The following TTI1 variants were observed in gnomAD, a reference collection of about 807,000 sequenced individuals.
The protein encoded by TTI1 is TELO2 interacting protein 1, also known as TELO2-interacting protein 1 homolog.
In TTI1, 52 loss-of-function variants were observed where a neutral mutation model predicts 85.4. The observed-to-expected ratio is 0.61, with a 90% CI of 0.49 to 0.77. The LOEUF is 0.77. TTI1 is among the 30% of genes least tolerant of loss of function. The pLI, the probability that TTI1 is intolerant of heterozygous loss-of-function variation, is 0.00. For synonymous variants in TTI1, 512 were observed against 503.9 expected (o/e 1.02, Z -0.22); for missense variants, 1,173 against 1,296.0 (o/e 0.91, Z 1.46).
intron 7 of TTI1, among the ~76,000 whole-genome samples, chr20:37,994,719 C>T (rs1313566771): frequency 6.6e-6 from 1 of 152,150 alleles, no homozygotes; most frequent in Non-Finnish European, 1.5e-5. Context: ...CCATCTGACT[C>T]AACACTTGAA....
chr20:38,030,861 T>C (rs1314954680), intron 1 of TTI1, among the ~76,000 whole-genome samples: 3 of 152,222 alleles, frequency 2.0e-5, no homozygotes, highest in Non-Finnish European at 4.4e-5. Context: ...CATTTCCAAA[T>C]GGACATGTCC....
intron 2 of TTI1, among the ~76,000 whole-genome samples, chr20:38,010,637 ATTTT>A (rs11476947): frequency 6.8e-6 from 1 of 147,526 alleles, no homozygotes; most frequent in Non-Finnish European, 1.5e-5. Flanking sequence ...CGTCTGGCTA[ATTTT>A]TTTTTTTTTA....
chr20:37,986,520 CT>C (rs978980586), intron 7 of TTI1, among the ~76,000 whole-genome samples: 4 of 152,210 alleles, frequency 2.6e-5, no homozygotes, highest in African/African-American at 9.7e-5. Flanking sequence ...GGTCTCATTT[CT>C]TTGCTTTTAA....
intron 7 of TTI1, among the ~76,000 whole-genome samples, chr20:37,995,716 C>G (rs2073328727): frequency 6.6e-6 from 1 of 152,224 alleles, no homozygotes; most frequent in African/African-American, 2.4e-5. Flanking sequence ...TAACCAGCAA[C>G]AGCTTCTTCT....
In TTI1 at chr20:38,007,989, A is replaced by G. The variant is rs116395694; in HGVS notation, c.2303-1592T>C. On this transcript the variant is annotated intron_variant, in intron 2 of 7. Coordinates refer to ENST00000373447, the MANE Select transcript of TTI1 (RefSeq NM_001303457.2). Reference sequence around the variant, plus strand: ...ATTATTTCTAGATTCAAGGCTGGTGACAGACATTAAAATGTCTTTGCTCAC... The same window carrying G: ...ATTATTTCTAGATTCAAGGCTGGTGGCAGACATTAAAATGTCTTTGCTCAC... 3.7e-3 allele frequency among the ~76,000 whole-genome samples: 568 copies of G among 152,376 alleles called. 2 individuals carry two copies. Among genetic ancestry groups the G allele is most frequent in the African/African-American group, 0.013 (539 of 41,586 alleles).
chr20:38,005,724 A>G (rs929720811), intron 3 of TTI1: 4 of 153,218 alleles, frequency 2.6e-5, no homozygotes, highest in African/African-American at 9.7e-5. Flanking sequence ...CAAGCATTAA[A>G]TTATGTTCAT....
rs2073602061 is a variant in TTI1, at chr20:38,012,075, A to G, written c.1742T>C (p.Met581Thr). The part of the protein sequence containing the change: ...YLVTCLETEE[M>T]GEELMMEHPG... ...GTGCTCCATCATCAGCTCCTCTCCC[A>G]TTTCCTCAGTTTCAAGACAGGTAAC... Residue 581 changes from methionine to threonine, a missense_variant, in exon 2 of 8, where the codon ATG (methionine) becomes ACG (threonine). Coordinates refer to ENST00000373447, the MANE Select transcript of TTI1 (RefSeq NM_001303457.2). 1 of 1,613,956 alleles carries G rather than the reference A, an allele frequency of 6.2e-7. No individual in the cohort carries two copies. Among genetic ancestry groups the G allele is most frequent in the African/African-American group, 1.3e-5 (1 of 74,870 alleles).
intron 1 of TTI1, chr20:38,019,227 A>G (rs999180549): frequency 2.6e-5 from 4 of 152,152 alleles, no homozygotes; most frequent in Non-Finnish European, 5.9e-5. Flanking sequence ...TCAGGGCAAC[A>G]CTAAAAGAAA....
chr20:38,029,607 G>A (rs1179462046), intron 1 of TTI1, among the ~76,000 whole-genome samples: 1 of 151,948 alleles, frequency 6.6e-6, no homozygotes, highest in East Asian at 1.9e-4. Flanking sequence ...GAAGAGACGA[G>A]ACACTGATAC....
chr20:38,029,769 T>C (rs1490377284), intron 1 of TTI1, among the ~76,000 whole-genome samples: 1 of 152,192 alleles, frequency 6.6e-6, no homozygotes, highest in Non-Finnish European at 1.5e-5. Flanking sequence ...GTGGAGTCTT[T>C]ATAAGCCCTC....
In TTI1 at chr20:37,996,855, G is replaced by A. The variant is rs2073349042; in HGVS notation, c.2892C>T (p.Ala964=). 1 of 1,614,156 alleles carries A rather than the reference G, an allele frequency of 6.2e-7. No individual in the cohort carries two copies. The highest frequency in any genetic ancestry group is 8.5e-7 in the Non-Finnish European group (1 of 1,180,024). The change falls in exon 6 of 8, where the codon GCC becomes GCT. Residue 964 remains alanine, a synonymous_variant. Transcript: ENST00000373447. The part of the protein sequence containing the change: ...PKLAGSLVTQ[A]PISARAGPVY... ...CTGGTCCAGCCCTGGCACTGATGGGGGCCTGGGTGACTAGGGAGCCAGCCA... is the reference window on the plus strand; with the variant it reads ...CTGGTCCAGCCCTGGCACTGATGGGAGCCTGGGTGACTAGGGAGCCAGCCA...
rs1288102842 is a variant in TTI1 at position 37,996,360 on chromosome 20, A to G, written c.3086+15T>C. ...GAACAAACGTAAAGGGATGCGGGTG[A>G]TCAGGCAGACGTACCTCCTGGCAGC... is the stretch of plus-strand genomic sequence containing the variant. On this transcript the variant is annotated intron_variant, in intron 7 of 7. Coordinates refer to ENST00000373447, the MANE Select transcript of TTI1 (RefSeq NM_001303457.2). 1 of 1,613,842 alleles carries G rather than the reference A, an allele frequency of 6.2e-7. No homozygotes were observed. Among genetic ancestry groups the G allele is most frequent in the Admixed American group, 1.7e-5 (1 of 59,994 alleles).
chr20:38,028,903 CGCCATGTTGCCCAG>C (rs747214177), intron 1 of TTI1, among the ~76,000 whole-genome samples: 47 of 152,082 alleles, frequency 3.1e-4, no homozygotes, highest in Non-Finnish European at 8.8e-5. Context: ...GACCGAGTTT[CGCCATGTTGCCCAG>C]GCTGTTCTTG....
rs1259502528 is a variant in TTI1 at position 38,013,154 on chromosome 20, G to A, written c.663C>T (p.Ile221=). 1 of 1,614,134 alleles carries A rather than the reference G, an allele frequency of 6.2e-7. No individual in the cohort carries two copies. The highest frequency in any genetic ancestry group is 1.7e-5 in the Admixed American group (1 of 60,028). ...PGISTALTRL[I]TGDFKQGHSI... ...TGTGACCTTGTTTAAAGTCTCCTGT[G>A]ATAAGCCTGGTCAGTGCAGTTGAGA... The change falls in exon 2 of 8, where the codon ATC becomes ATT. Residue 221 remains isoleucine (I), a synonymous_variant. Transcript: ENST00000373447.
chr20:38,021,436 G>T (rs377014756), intron 1 of TTI1, among the ~76,000 whole-genome samples: 1 of 152,192 alleles, frequency 6.6e-6, no homozygotes, highest in Admixed American at 6.5e-5. Flanking sequence ...ATTACTTAGA[G>T]TGGTGCTGCA....
chr20:38,024,590 AG>A (rs2073812584), intron 1 of TTI1, among the ~76,000 whole-genome samples: 1 of 152,210 alleles, frequency 6.6e-6, no homozygotes, highest in Non-Finnish European at 1.5e-5. Flanking sequence ...CCAAAGGAGT[AG>A]GGGAATGGGC....
intron 3 of TTI1, among the ~76,000 whole-genome samples, chr20:38,003,743 ACT>A (rs375968140): frequency 9.0e-5 from 13 of 143,704 alleles, no homozygotes; most frequent in Non-Finnish European, 1.7e-4. Context: ...CAACAGCAAA[ACT>A]CTGTCTCAAA....
In TTI1 at chr20:38,012,674, A is replaced by C; in HGVS notation, c.1143T>G (p.Leu381=). ...TCATTAGGCGAGGAAGAGATGTGGC[A>C]AGGGAATGCAGGCTTTCTGACAAGA... is the stretch of plus-strand genomic sequence containing the variant. ...ADILSESLHS[L]ATSLPRLMNS... Residue 381 remains leucine (L), a synonymous_variant, in exon 2 of 8, where the codon CTT becomes CTG. Coordinates refer to ENST00000373447, the MANE Select transcript of TTI1 (RefSeq NM_001303457.2). 6.2e-7 allele frequency: 1 copy of C among 1,614,226 alleles called. No homozygotes were observed. Among genetic ancestry groups the C allele is most frequent in the Non-Finnish European group, 8.5e-7 (1 of 1,180,046 alleles).
chr20:38,028,127 T>A (rs2122653652), intron 1 of TTI1, among the ~76,000 whole-genome samples: 1 of 152,272 alleles, frequency 6.6e-6, no homozygotes, highest in South Asian at 2.1e-4. Context: ...GTATTTTCAA[T>A]CCACAGTTGA....
Sources: gnomAD v4.1 joint callset for allele counts (sites outside exome capture counted in the v4.1 genomes callset) on GRCh38, gnomAD v4.1.1 for gene constraint, MANE v1.5 for transcripts, NCBI Gene and HGNC (gene_info 2026-07-23, HGNC 2026-07-21) for gene names.